Variants in PTPRN2 observed in about 807,000 individuals in gnomAD.
PTPRN2 encodes the protein protein tyrosine phosphatase receptor type N2.
In PTPRN2, 74 loss-of-function variants were observed where a neutral mutation model predicts 118.8. That is an observed-to-expected ratio of 0.62 (90% CI 0.52 to 0.76). The LOEUF (loss-of-function observed/expected upper bound fraction) is 0.76, where lower values mean the gene tolerates loss of function less well. Among genes scored for constraint, PTPRN2 ranks in the 30% least tolerant of loss-of-function variants. The pLI is 0.00. For missense variants in PTPRN2, 1,481 were observed against 1,394.4 expected, an observed-to-expected ratio of 1.06 and a Z score of -0.99; for synonymous variants, 641 against 608.0, an observed-to-expected ratio of 1.05 and a Z score of -0.80.
intron 11 of PTPRN2, among the ~76,000 whole-genome samples, chr7:157,969,264 C>A (rs1802152188): frequency 6.6e-6 from 1 of 152,162 alleles, no homozygotes; most frequent in Non-Finnish European, 1.5e-5. Context: ...TGCATACCAC[C>A]ATGCCCAGCT....
chr7:157,759,422 T>C (rs902110247), intron 12 of PTPRN2, among the ~76,000 whole-genome samples: 3 of 152,224 alleles, frequency 2.0e-5, no homozygotes, highest in African/African-American at 4.8e-5. Context: ...GAACCCGAGG[T>C]GGACAGAGGT....
chr7:158,018,506 A>G (rs1258391919), intron 11 of PTPRN2, among the ~76,000 whole-genome samples: 4 of 152,206 alleles, frequency 2.6e-5, no homozygotes, highest in Admixed American at 6.5e-5. Context: ...AGTGACGTGC[A>G]CTTAACTTTG....
chr7:158,171,330 T>TACACATAC (rs1823672478), intron 5 of PTPRN2, among the ~76,000 whole-genome samples: 1 of 127,596 alleles, frequency 7.8e-6, no homozygotes, highest in African/African-American at 3.3e-5. Context: ...TATATATATA[T>TACACATAC]ATATATATAT....
chr7:158,011,115 G>C (rs1806018652), intron 11 of PTPRN2, among the ~76,000 whole-genome samples: 1 of 152,266 alleles, frequency 6.6e-6, no homozygotes, highest in East Asian at 1.9e-4. Flanking sequence ...GCAGATGACA[G>C]AGTGGTCTCT....
In PTPRN2 at chr7:157,784,392, G is replaced by C. The variant is rs1803884957; in HGVS notation, c.1789-101455C>G. Among the ~76,000 whole-genome samples, 1 of 152,154 alleles carries C rather than the reference G, an allele frequency of 6.6e-6. No homozygotes were observed. The highest frequency in any genetic ancestry group is 2.4e-5 in the African/African-American group (1 of 41,436). ...TCGTTTGCTGCTTCACACTGGAGGA[G>C]GTGCTCCTAGCAAGATGCCGACCTG... On this transcript the variant is annotated intron_variant, in intron 12 of 22. Coordinates refer to ENST00000389418, the MANE Select transcript of PTPRN2 (RefSeq NM_002847.5). The surrounding 1 kb of genome is among the most constrained non-coding windows in gnomAD (Gnocchi z 4.6).
At chr7:157,644,525 C>T (rs763240743) in intron 14 of PTPRN2, among the ~76,000 whole-genome samples, 1 of 152,104 alleles carries the variant, frequency 6.6e-6, no homozygotes, top group Non-Finnish European at 1.5e-5. Context: ...TGGCTGGGCG[C>T]GGTGGCTCAT....
chr7:158,418,522 C>T (rs61118276), intron 2 of PTPRN2, among the ~76,000 whole-genome samples: 3,206 of 54,618 alleles, frequency 0.059, 52 homozygotes, highest in East Asian at 0.19. Flanking sequence ...TGTTAAGTCA[C>T]AGTGTACTAC....
chr7:157,620,606 C>T (rs1803105632), intron 15 of PTPRN2, among the ~76,000 whole-genome samples: 1 of 152,210 alleles, frequency 6.6e-6, no homozygotes, highest in African/African-American at 2.4e-5. Context: ...GTGGAGGCTC[C>T]AAGAGGTTCA....
intron 13 of PTPRN2, among the ~76,000 whole-genome samples, chr7:157,677,249 C>T (rs184287506): frequency 6.6e-6 from 1 of 152,202 alleles, no homozygotes; most frequent in Non-Finnish European, 1.5e-5. Flanking sequence ...CAGCCCTCCA[C>T]ATTTTATGTC....
At chr7:157,636,558 A>G (rs954020397) in intron 14 of PTPRN2, among the ~76,000 whole-genome samples, 6 of 152,222 alleles carry the variant, frequency 3.9e-5, no homozygotes, top group African/African-American at 1.4e-4. Flanking sequence ...ATGTCTACCC[A>G]TATATTTCTA....
chr7:158,216,210 TAAAAG>T (rs564963468), intron 3 of PTPRN2, among the ~76,000 whole-genome samples: 133 of 151,888 alleles, frequency 8.8e-4, no homozygotes, highest in African/African-American at 3.0e-3. Flanking sequence ...GAACAATAAA[TAAAAG>T]AAAGCTATCA....
chr7:157,553,052 CG>C (rs1203938954), intron 21 of PTPRN2, among the ~76,000 whole-genome samples: 1 of 152,194 alleles, frequency 6.6e-6, no homozygotes, highest in Non-Finnish European at 1.5e-5. Context: ...GCGGCTTCTA[CG>C]GGGACCCCTC....
rs1281934410 is a variant in PTPRN2 at position 157,787,085 on chromosome 7, G to A, written c.1789-104148C>T. On this transcript the variant is annotated intron_variant, in intron 12 of 22. Transcript: ENST00000389418. The surrounding 1 kb of genome is among the most constrained non-coding windows in gnomAD (Gnocchi z 5.3). ...CGGACGCGGGTGCGGCGGGGGACGC[G>A]GGGGTGGCTGCCCGGGAGGCGGACG... is the stretch of plus-strand genomic sequence containing the variant. 5.1e-5 allele frequency among the ~76,000 whole-genome samples: 7 copies of A among 136,544 alleles called. No homozygotes were observed. Among genetic ancestry groups the A allele is most frequent in the East Asian group, 2.1e-4 (1 of 4,862 alleles). 89.6% of individuals were successfully genotyped at this position (136,544 alleles called of 152,430 possible).
rs1455820332 is a variant in PTPRN2, at chr7:158,555,268, C to A, written c.112+32290G>T. On this transcript the variant is annotated intron_variant, in intron 1 of 22. Coordinates refer to ENST00000389418, the MANE Select transcript of PTPRN2 (RefSeq NM_002847.5). This position sits in a 1 kb window ranked among gnomAD's most constrained non-coding sequence, Gnocchi z 4.7. ...TACGACTGCAAGATCCCACAGCTGC[C>A]TTTTGGGGGAGGTTGGGGCTTATGC... Among the ~76,000 whole-genome samples the A allele has an allele frequency of 6.6e-6, 1 of 152,220 alleles. No individual in the cohort carries two copies. The highest frequency in any genetic ancestry group is 2.4e-5 in the African/African-American group (1 of 41,452).
intron 12 of PTPRN2, among the ~76,000 whole-genome samples, chr7:157,732,874 C>A (rs1800026489): frequency 6.0e-5 from 1 of 16,642 alleles, no homozygotes; most frequent in African/African-American, 2.9e-4. Flanking sequence ...GTCCCATGCG[C>A]CCAGCACAGT....
intron 12 of PTPRN2, among the ~76,000 whole-genome samples, chr7:157,821,653 T>G (rs1469967353): frequency 6.6e-6 from 1 of 152,180 alleles, no homozygotes; most frequent in Admixed American, 6.5e-5. Flanking sequence ...CTGGCCTTGG[T>G]TGGCATGGTG....
rs1198780616 is a variant in PTPRN2, at chr7:157,845,075, A to C, written c.1788+53598T>G. ...CCTTGGTGTAGAGATAGACAAAGGG[A>C]GAGGTGAGCACAAGGTCACAGGGAC... is the stretch of plus-strand genomic sequence containing the variant. On this transcript the variant is annotated intron_variant, in intron 12 of 22. Transcript: ENST00000389418. This position sits in a 1 kb window ranked among gnomAD's most constrained non-coding sequence, Gnocchi z 4.5. Among the ~76,000 whole-genome samples the C allele has an allele frequency of 6.6e-6, 1 of 152,082 alleles. No individual in the cohort carries two copies. The highest frequency in any genetic ancestry group is 2.4e-5 in the African/African-American group (1 of 41,398).
Position 158,460,269 on chromosome 7 carries a change from T to C in PTPRN2, c.163+29466A>G, listed in dbSNP as rs545297037. Reference sequence around the variant, plus strand: ...GTGTGCCGTCAGCACAGGAGGGTCATCCAGCTGCAGAATGGGACTCTATCT... The same window carrying C: ...GTGTGCCGTCAGCACAGGAGGGTCACCCAGCTGCAGAATGGGACTCTATCT... On this transcript the variant is annotated intron_variant, in intron 2 of 22. Coordinates refer to ENST00000389418, the MANE Select transcript of PTPRN2 (RefSeq NM_002847.5). 3.9e-3 allele frequency among the ~76,000 whole-genome samples: 580 copies of C among 149,750 alleles called. 4 individuals are homozygous for C. Among genetic ancestry groups the C allele is most frequent in the African/African-American group, 0.014 (549 of 40,414 alleles).
At chr7:158,160,452 C>T (rs908801349) in intron 6 of PTPRN2, among the ~76,000 whole-genome samples, 1 of 152,146 alleles carries the variant, frequency 6.6e-6, no homozygotes, top group Non-Finnish European at 1.5e-5. Context: ...ACCAGCCGTC[C>T]CTGGGTCTTC....
Sources: gnomAD v4.1 joint callset for allele counts (sites outside exome capture counted in the v4.1 genomes callset) on GRCh38, gnomAD v4.1.1 for gene constraint, Gnocchi (gnomAD v3.1) non-coding constraint, MANE v1.5 for transcripts, NCBI Gene and HGNC (gene_info 2026-07-23, HGNC 2026-07-21) for gene names.